The following RIMS1 variants were observed in gnomAD, a reference collection of about 807,000 sequenced individuals.
RIMS1 encodes the protein regulating synaptic membrane exocytosis protein 1.
Under a neutral mutation model 214.1 loss-of-function variants are expected in RIMS1, and 83 were observed. That is an observed-to-expected ratio of 0.39 (90% confidence interval 0.32 to 0.47). The LOEUF is 0.47. RIMS1 is among the 20% of genes least tolerant of loss of function. The pLI, the probability that RIMS1 is intolerant of heterozygous loss-of-function variation, is 0.99. For missense variants in RIMS1, 2,050 were observed against 2,161.8 expected, an observed-to-expected ratio of 0.95 and a Z score of 1.03; for synonymous variants, 793 against 786.8, an observed-to-expected ratio of 1.01 and a Z score of -0.13.
intron 2 of RIMS1, among the ~76,000 whole-genome samples, chr6:72,016,579 G>A (rs1211104567): frequency 6.6e-6 from 1 of 152,130 alleles, no homozygotes; most frequent in Non-Finnish European, 1.5e-5. Flanking sequence ...TCCTTGGATT[G>A]TTGAAAGCTT....
intron 2 of RIMS1, among the ~76,000 whole-genome samples, chr6:72,057,112 T>C (rs1049157934): frequency 6.6e-6 from 1 of 152,124 alleles, no homozygotes; most frequent in African/African-American, 2.4e-5. Context: ...CAAACCCCCA[T>C]GACACAAGTT....
rs777807498 is a variant in RIMS1 at position 72,265,037 on chromosome 6, A to G, written c.3179A>G (p.His1060Arg). 1 of 1,586,776 alleles carries G rather than the reference A, an allele frequency of 6.3e-7. No individual in the cohort carries two copies. The highest frequency in any genetic ancestry group is 2.3e-5 in the East Asian group (1 of 44,108). ...ATGCCTTTATTACAGAGCAGTTCTC[A>G]CTGGAATATTTACAGGTAAGAGCCC... ...PKMPLLQSSS[H>R]WNIYSSILPA... The change falls in exon 20 of 34, where the codon CAC becomes CGC. Residue 1060 changes from histidine to arginine, a missense_variant. Physicochemically the swap from His to Arg is conservative, Grantham distance 29. Transcript: ENST00000521978.
intron 2 of RIMS1, among the ~76,000 whole-genome samples, chr6:72,059,791 A>G (rs577608653): frequency 2.0e-5 from 3 of 152,216 alleles, no homozygotes; most frequent in Non-Finnish European, 4.4e-5. Context: ...TTAAATGTGA[A>G]TTATTTTAAA....
At chr6:72,357,433 G>A (rs369625683) in intron 29 of RIMS1, among the ~76,000 whole-genome samples, 8 of 152,168 alleles carry the variant, frequency 5.3e-5, no homozygotes, top group African/African-American at 1.9e-4. Flanking sequence ...ATATTCTAAG[G>A]TGTAACAAAT....
chr6:72,335,848 G>A (rs1345248943), intron 29 of RIMS1, among the ~76,000 whole-genome samples: 3 of 151,582 alleles, frequency 2.0e-5, no homozygotes, highest in African/African-American at 4.8e-5. Flanking sequence ...TTTTTCATAC[G>A]TTTGTTGGCC....
In RIMS1 at chr6:72,182,766, G is replaced by A; in HGVS notation, c.1295G>A (p.Arg432Lys). Reference sequence around the variant, plus strand: ...TCGCCGCGGGCTTACTCGGCTGAGAGAACTGCGGAGACCAGGGCGCCGGGC... The same window carrying A: ...TCGCCGCGGGCTTACTCGGCTGAGAAAACTGCGGAGACCAGGGCGCCGGGC... ...PDSPRAYSAE[R>K]TAETRAPGAK... Residue 432 changes from arginine (R) to lysine (K), a missense_variant, in exon 6 of 34, where the codon AGA becomes AAA. Around this residue, in one of 6 missense-constraint regions of RIMS1, gnomAD observed 882 missense variants for 828.9 expected, o/e 1.06. Transcript: ENST00000521978. The A allele has an allele frequency of 9.1e-6, 14 of 1,544,488 alleles. No individual in the cohort carries two copies. Among genetic ancestry groups the A allele is most frequent in the Non-Finnish European group, 1.2e-5 (14 of 1,149,310 alleles).
intron 4 of RIMS1, among the ~76,000 whole-genome samples, chr6:72,123,099 G>A (rs2038763262): frequency 6.6e-6 from 1 of 151,548 alleles, no homozygotes; most frequent in South Asian, 2.1e-4. Context: ...GCTTTCTCTT[G>A]TGGGCATTTA....
chr6:72,191,889 C>G (rs1467917644), intron 6 of RIMS1, among the ~76,000 whole-genome samples: 1 of 152,182 alleles, frequency 6.6e-6, no homozygotes, highest in Non-Finnish European at 1.5e-5. Flanking sequence ...ATCACCACCC[C>G]TGGGTCTTTC....
chr6:72,065,255 T>C (rs1471413888), intron 2 of RIMS1, among the ~76,000 whole-genome samples: 1 of 152,160 alleles, frequency 6.6e-6, no homozygotes, highest in Non-Finnish European at 1.5e-5. Flanking sequence ...TCAAGGCTCC[T>C]GTCTCATCTG....
At chr6:72,297,286 G>T (rs1373989135) in intron 26 of RIMS1, among the ~76,000 whole-genome samples, 1 of 151,912 alleles carries the variant, frequency 6.6e-6, no homozygotes, top group Non-Finnish European at 1.5e-5. Context: ...GTACAAGAAT[G>T]ACCAATGTAC....
Position 72,400,828 on chromosome 6 carries a change from C to T in RIMS1, c.*114C>T. Reference sequence around the variant, plus strand: ...AGACAGACAATCAACTTGTGTTTTGCCTGTAGTAGTTTTTCAATAATATGT... The same window carrying T: ...AGACAGACAATCAACTTGTGTTTTGTCTGTAGTAGTTTTTCAATAATATGT... On this transcript the variant is annotated 3_prime_UTR_variant, in exon 34 of 34. Transcript: ENST00000521978. 1.2e-6 allele frequency: 1 copy of T among 843,938 alleles called. No individual in the cohort carries two copies. Among genetic ancestry groups the T allele is most frequent in the Non-Finnish European group, 1.8e-6 (1 of 544,032 alleles). The allele number at this position is 843,938 out of a possible 1,614,324, so 52.3% of individuals were successfully genotyped here.
chr6:72,290,878 C>G lies in RIMS1; in HGVS notation c.3737+17C>G, dbSNP rs771849903. ...TCTGACAAGGTCGCTATTCAGTGTC[C>G]CCCTCAGCATTCATGTCCTGCCTCC... is the stretch of plus-strand genomic sequence containing the variant. On this transcript the variant is annotated intron_variant, in intron 25 of 33. Coordinates refer to ENST00000521978, the MANE Select transcript of RIMS1 (RefSeq NM_014989.7). The G allele has an allele frequency of 3.7e-6, 6 of 1,609,820 alleles. No individual in the cohort carries two copies. Among genetic ancestry groups the G allele is most frequent in the Non-Finnish European group, 5.1e-6 (6 of 1,178,228 alleles).
intron 2 of RIMS1, among the ~76,000 whole-genome samples, chr6:72,058,655 A>G (rs1435836450): frequency 6.6e-6 from 1 of 152,126 alleles, no homozygotes; most frequent in Non-Finnish European, 1.5e-5. Context: ...TTCCTCCCCA[A>G]AGACCTTTTT....
At chr6:72,318,845 G>C (rs888143212) in intron 28 of RIMS1, among the ~76,000 whole-genome samples, 8 of 152,048 alleles carry the variant, frequency 5.3e-5, no homozygotes, top group African/African-American at 1.9e-4. Context: ...TTTGGTTTTT[G>C]GCTAAGGACA....
At chr6:72,263,263 C>G in intron 19 of RIMS1, 1 of 985,110 alleles carries the variant, frequency 1.0e-6, no homozygotes, top group Non-Finnish European at 1.2e-6. Flanking sequence ...GTTTAATTTC[C>G]CAACCTTTTT....
In RIMS1 at chr6:72,333,714, G is replaced by A. The variant is rs1215855770; in HGVS notation, c.4245G>A (p.Gln1415=). The stretch of plus-strand genomic sequence containing the variant: ...CACTGGAGCATAATGACGGCAGCCA[G>A]TCAGACACAGCTGTGGGTACAGTTG... ...MYTLEHNDGS[Q]SDTAVGTVGA... Residue 1415 remains glutamine, a synonymous_variant, in exon 29 of 34, where the codon CAG becomes CAA. Transcript: ENST00000521978. 3 of 1,597,166 alleles carry A rather than the reference G, an allele frequency of 1.9e-6. No individual in the cohort carries two copies. Among genetic ancestry groups the A allele is most frequent in the Admixed American group, 1.7e-5 (1 of 57,646 alleles).
intron 4 of RIMS1, among the ~76,000 whole-genome samples, chr6:72,173,865 T>C (rs1000912565): frequency 6.6e-5 from 10 of 152,014 alleles, no homozygotes; most frequent in Non-Finnish European, 1.3e-4. Flanking sequence ...AACTGGAGAA[T>C]CAGCCATTAG....
At chr6:72,368,823 A>G (rs1439468438) in intron 29 of RIMS1, among the ~76,000 whole-genome samples, 1 of 152,172 alleles carries the variant, frequency 6.6e-6, no homozygotes, top group East Asian at 1.9e-4. Context: ...AAAATAATAT[A>G]GGAGTTCAGA....
At chr6:72,016,176 C>G (rs1451039078) in intron 2 of RIMS1, among the ~76,000 whole-genome samples, 2 of 152,012 alleles carry the variant, frequency 1.3e-5, no homozygotes, top group Non-Finnish European at 2.9e-5. Context: ...TGTACATAAT[C>G]TTTTTTACGT....
Sources: allele counts gnomAD v4.1 joint callset (sites outside exome capture counted in the v4.1 genomes callset), GRCh38; gene constraint gnomAD v4.1.1; regional missense constraint gnomAD v4.1.1; transcripts MANE v1.5; gene names NCBI Gene and HGNC (gene_info 2026-07-23, HGNC 2026-07-21).